Variants in HECW2 observed in about 807,000 individuals in gnomAD.
HECW2 encodes the protein HECT, C2 and WW domain containing E3 ubiquitin protein ligase 2, also known as E3 ubiquitin-protein ligase HECW2.
Under a neutral mutation model 175.2 loss-of-function variants are expected in HECW2, and 61 were observed. The observed-to-expected ratio is 0.35, with a 90% CI of 0.28 to 0.43. HECW2 has a LOEUF of 0.43. HECW2 is among the 20% of genes least tolerant of loss of function. The probability of loss-of-function intolerance (pLI) is 1.00; values close to 1 mark genes in which losing one functional copy is unlikely to be tolerated. For synonymous variants in HECW2, 671 were observed against 731.0 expected (o/e 0.92, Z 1.32); for missense variants, 1,524 against 2,000.5 (o/e 0.76, Z 4.54).
At chr2:196,275,899 A>G (rs1365721867) in intron 15 of HECW2, among the ~76,000 whole-genome samples, 3 of 152,210 alleles carry the variant, frequency 2.0e-5, no homozygotes, top group African/African-American at 7.2e-5. Flanking sequence ...ATATTTGCTG[A>G]AGGAATATAA....
chr2:196,359,569 T>C (rs1693511826), intron 2 of HECW2, among the ~76,000 whole-genome samples: 1 of 152,246 alleles, frequency 6.6e-6, no homozygotes, highest in East Asian at 1.9e-4. Context: ...GATGTTACTT[T>C]TACATTGCAC....
At position 196,378,721 on chromosome 2, in the gene HECW2, A is replaced by C. The variant is rs1463377669; in HGVS notation, c.293-34957T>G. The stretch of plus-strand genomic sequence containing the variant: ...TGAGGAGAAGTGCTTTTTACATAAG[A>C]ATTCCAGGAAATAAGTACAGAAGAA... On this transcript the variant is annotated intron_variant, in intron 2 of 28. Transcript: ENST00000644978. Among the ~76,000 whole-genome samples the C allele has an allele frequency of 2.0e-5, 3 of 152,346 alleles. No homozygotes were observed. The East Asian group carries it at 5.8e-4, about 29-fold the overall frequency.
chr2:196,243,163 A>C (rs1688522346), intron 19 of HECW2, among the ~76,000 whole-genome samples: 1 of 129,790 alleles, frequency 7.7e-6, no homozygotes. Context: ...ATTAATATTT[A>C]TTGGATTCTT....
At chr2:196,445,105 T>C (rs890489154) in intron 1 of HECW2, among the ~76,000 whole-genome samples, 4 of 152,212 alleles carry the variant, frequency 2.6e-5, no homozygotes, top group African/African-American at 9.6e-5. Flanking sequence ...TTTTTTATAT[T>C]ATTCTTATCA....
At chr2:196,324,723 CT>C (rs1480732392) in intron 6 of HECW2, among the ~76,000 whole-genome samples, 1 of 152,074 alleles carries the variant, frequency 6.6e-6, no homozygotes, top group Non-Finnish European at 1.5e-5. Context: ...TTAAAAAAAA[CT>C]GCATTAAGAC....
At chr2:196,205,918 T>C (rs997829125) in intron 28 of HECW2, among the ~76,000 whole-genome samples, 10 of 152,112 alleles carry the variant, frequency 6.6e-5, no homozygotes, top group Non-Finnish European at 1.5e-4. Flanking sequence ...GCATTGCTAA[T>C]AAGGAAATTG....
chr2:196,341,525 A>G (rs1055778672), intron 3 of HECW2, among the ~76,000 whole-genome samples: 8 of 152,224 alleles, frequency 5.3e-5, no homozygotes, highest in African/African-American at 1.9e-4. Context: ...TAAGTCGGAA[A>G]AACAAATCAT....
chr2:196,315,353 T>A (rs73045952), intron 10 of HECW2, among the ~76,000 whole-genome samples: 1 of 152,134 alleles, frequency 6.6e-6, no homozygotes, highest in African/African-American at 2.4e-5. Flanking sequence ...GGTGGGACAA[T>A]TCTTAGTTGT....
rs940836635 is a variant in HECW2, at chr2:196,575,185, C to T, written c.-36+18323G>A. Among the ~76,000 whole-genome samples the T allele has an allele frequency of 1.7e-4, 25 of 147,274 alleles. 1 individual carries two copies. The highest frequency in any genetic ancestry group is 3.0e-5 in the Non-Finnish European group (2 of 66,984). On this transcript the variant is annotated intron_variant, in intron 1 of 28. Transcript: ENST00000644978. ...ATGTATGAAAAAATGCTTAACATCA[C>T]TAACCACCAGAGAAATGCAAATCAA...
intron 17 of HECW2, among the ~76,000 whole-genome samples, chr2:196,266,180 A>C (rs1006117125): frequency 2.5e-4 from 38 of 151,508 alleles, no homozygotes; most frequent in Non-Finnish European, 4.1e-4. Flanking sequence ...AAAAAAAAAA[A>C]AAAAAAACAC....
intron 1 of HECW2, among the ~76,000 whole-genome samples, chr2:196,472,310 C>G (rs561921870): frequency 5.3e-5 from 8 of 151,562 alleles, no homozygotes; most frequent in African/African-American, 1.9e-4. Context: ...ATGGAGAAAC[C>G]CTGTCTCTAC....
intron 2 of HECW2, among the ~76,000 whole-genome samples, chr2:196,418,379 C>T (rs1030824260): frequency 9.9e-5 from 15 of 152,248 alleles, no homozygotes; most frequent in African/African-American, 2.6e-4. Context: ...CTGCCTGCCT[C>T]GGCCTCCCAA....
intron 1 of HECW2, among the ~76,000 whole-genome samples, chr2:196,572,110 C>T (rs1056041068): frequency 1.1e-4 from 17 of 152,082 alleles, no homozygotes; most frequent in African/African-American, 3.4e-4. Flanking sequence ...CAAAAAGTAG[C>T]GTAGTGACTG....
intron 28 of HECW2, among the ~76,000 whole-genome samples, chr2:196,205,019 C>T (rs1687017441): frequency 1.3e-5 from 2 of 152,178 alleles, no homozygotes; most frequent in Admixed American, 6.5e-5. Context: ...ACTAGACAAC[C>T]TTTTTTGTTC....
intron 1 of HECW2, among the ~76,000 whole-genome samples, chr2:196,510,529 G>A (rs1253612614): frequency 2.0e-5 from 3 of 152,074 alleles, no homozygotes; most frequent in African/African-American, 7.2e-5. Context: ...AGACTTACAG[G>A]CCTTCATGCT....
intron 1 of HECW2, among the ~76,000 whole-genome samples, chr2:196,516,083 G>A (rs985905344): frequency 1.3e-5 from 2 of 152,170 alleles, no homozygotes; most frequent in South Asian, 4.1e-4. Context: ...TTTGCAGTGA[G>A]CTGAGATCGC....
At chr2:196,471,080 A>G (rs1697178840) in intron 1 of HECW2, among the ~76,000 whole-genome samples, 1 of 152,096 alleles carries the variant, frequency 6.6e-6, no homozygotes, top group Non-Finnish European at 1.5e-5. Context: ...ATTCATATGG[A>G]CAATGGTGGG....
At chr2:196,401,923 A>G (rs11692884) in intron 2 of HECW2, among the ~76,000 whole-genome samples, 134,199 of 152,142 alleles carry the variant, frequency 0.88, 60,467 homozygotes, top group East Asian at 1. Context: ...GAAACTTGCC[A>G]GGCGCGGTGG....
chr2:196,546,804 T>G (rs1689438195), intron 1 of HECW2, among the ~76,000 whole-genome samples: 1 of 143,754 alleles, frequency 7.0e-6, no homozygotes, highest in Non-Finnish European at 1.5e-5. Context: ...AGACCTGTCA[T>G]ATAGGAGAAG....
Sources: gnomAD v4.1 joint callset for allele counts (sites outside exome capture counted in the v4.1 genomes callset) on GRCh38, gnomAD v4.1.1 for gene constraint, MANE v1.5 for transcripts, NCBI Gene and HGNC (gene_info 2026-07-23, HGNC 2026-07-21) for gene names.